PCDHA7: variants seen among roughly 807,000 people sequenced by gnomAD.
PCDHA7 encodes the protein protocadherin alpha-7.
PCDHA7 carries 37 observed loss-of-function variants against 57.2 expected under a neutral mutation model. That is an observed-to-expected ratio of 0.65 (90% CI 0.50 to 0.85). The LOEUF is 0.85. PCDHA7 is among the 40% of genes least tolerant of loss of function. The probability of loss-of-function intolerance (pLI) is 0.00; values close to 1 mark genes in which losing one functional copy is unlikely to be tolerated. For synonymous variants in PCDHA7, 553 were observed against 558.8 expected (o/e 0.99, Z 0.15); for missense variants, 1,188 against 1,241.8 (o/e 0.96, Z 0.65).
At chr5:140,855,753 G>C (rs1461376517) in intron 1 of PCDHA7, 1 of 333,040 alleles carries the variant, frequency 3.0e-6, no homozygotes, top group African/African-American at 2.1e-5. Flanking sequence ...GTGAGGCTTT[G>C]AAAGTCCATA....
intron 1 of PCDHA7, among the ~76,000 whole-genome samples, chr5:140,949,671 G>A (rs1316716969): frequency 6.6e-6 from 1 of 151,584 alleles, no homozygotes. Context: ...TTTAAAGTAT[G>A]CCCTTGTTGA....
chr5:140,967,204 G>C, intron 1 of PCDHA7: 10 of 1,613,634 alleles, frequency 6.2e-6, no homozygotes, highest in Non-Finnish European at 8.5e-6. Context: ...ACAACTCACC[G>C]CGTTTCCCGC....
chr5:140,854,990 G>A (rs2043295354), intron 1 of PCDHA7, among the ~76,000 whole-genome samples: 1 of 149,498 alleles, frequency 6.7e-6, no homozygotes, highest in African/African-American at 2.5e-5. Context: ...GATTCTTTTT[G>A]CCCGTGTAAG....
rs2150283562 is a variant in PCDHA7, at chr5:140,838,076, TA to T, written c.2355+1339del. 8.0e-3 allele frequency among the ~76,000 whole-genome samples: 249 copies of T among 31,136 alleles called. 2 individuals are homozygous for T. The highest frequency in any genetic ancestry group is 0.023 in the African/African-American group (97 of 4,194). The allele number at this position is 31,136 out of a possible 152,430, so 20.4% of individuals were successfully genotyped here. On this transcript the variant is annotated intron_variant, in intron 1 of 3. Transcript: ENST00000525929. ...TTTTCCACTTTAAGTTATATATATA[TA>T]GTGTGTGTGTGTGTGTGTGTGTGTG... is the stretch of plus-strand genomic sequence containing the variant.
intron 1 of PCDHA7, among the ~76,000 whole-genome samples, chr5:140,953,076 T>C (rs1276914822): frequency 6.6e-6 from 1 of 152,106 alleles, no homozygotes; most frequent in East Asian, 1.9e-4. Flanking sequence ...ATCTCCAACA[T>C]TGGGGATTAC....
intron 3 of PCDHA7, among the ~76,000 whole-genome samples, chr5:140,999,693 A>AT (rs202183337): frequency 0.011 from 1,632 of 151,520 alleles, 13 homozygotes; most frequent in Middle Eastern, 0.058. Flanking sequence ...AAGAAATGTG[A>AT]TTTTTTTTTA....
chr5:140,862,768 G>A (rs1409687409), intron 1 of PCDHA7: 1 of 576,568 alleles, frequency 1.7e-6, no homozygotes, highest in Admixed American at 1.9e-5. Flanking sequence ...CAAGAGGTAC[G>A]CGTTGCAGCC....
rs185481644 is a variant in PCDHA7, at chr5:140,906,049, T to C, written c.2355+69311T>C. 1.7e-3 allele frequency among the ~76,000 whole-genome samples: 263 copies of C among 152,304 alleles called. 2 individuals are homozygous for C. Among genetic ancestry groups the C allele is most frequent in the African/African-American group, 5.9e-3 (247 of 41,562 alleles). ...TTCTTCTGTCTGCTTTTATTCTGGC[T>C]GCACTGGCAGCTGATTAGATCGCAC... On this transcript the variant is annotated intron_variant, in intron 1 of 3. Transcript: ENST00000525929.
intron 1 of PCDHA7, among the ~76,000 whole-genome samples, chr5:140,959,312 C>G (rs2095480226): frequency 6.6e-6 from 1 of 151,968 alleles, no homozygotes; most frequent in South Asian, 2.1e-4. Flanking sequence ...GTGGTTGAAG[C>G]TGCAATAAGT....
Position 140,959,365 on chromosome 5 carries a change from C to A in PCDHA7, c.2356-19584C>A, listed in dbSNP as rs77362755. On this transcript the variant is annotated intron_variant, in intron 1 of 3. Transcript: ENST00000525929. ...ACTCCAGCGGGACAACTGAGTGAGA[C>A]CCTGTCTCAAAAAAAAAAGTCACAA... Among the ~76,000 whole-genome samples the A allele has an allele frequency of 1.0e-3, 158 of 151,880 alleles. 5 individuals carry two copies. In the East Asian group the frequency reaches 0.028, roughly 27 times the overall value.
Position 140,883,457 on chromosome 5 carries a change from C to T in PCDHA7, c.2355+46719C>T, listed in dbSNP as rs142331981. Reference sequence around the variant, plus strand: ...CTTGACGCCGCATGTCCCCTTCAAGCTGGTGTCCACCTACAAGAACTACTA... The same window carrying T: ...CTTGACGCCGCATGTCCCCTTCAAGTTGGTGTCCACCTACAAGAACTACTA... On this transcript the variant is annotated intron_variant, in intron 1 of 3. Coordinates refer to ENST00000525929, the MANE Select transcript of PCDHA7 (RefSeq NM_018910.3). 3.6e-4 allele frequency: 576 copies of T among 1,614,196 alleles called. 4 individuals are homozygous for T. In the African/African-American group the frequency reaches 6.4e-3, roughly 18 times the overall value.
intron 1 of PCDHA7, among the ~76,000 whole-genome samples, chr5:140,894,320 G>T (rs191376863): frequency 1.1e-3 from 163 of 152,016 alleles, no homozygotes; most frequent in Non-Finnish European, 1.7e-3. Flanking sequence ...TTAAATTATA[G>T]ATTTTAGTAT....
At chr5:140,876,140 C>G in intron 1 of PCDHA7, 1 of 1,613,944 alleles carries the variant, frequency 6.2e-7, no homozygotes, top group Non-Finnish European at 8.5e-7. Context: ...CCAGAACTAA[C>G]AGGGTCTGTC....
chr5:140,842,566 C>G (rs782225990), intron 1 of PCDHA7: 19 of 1,503,446 alleles, frequency 1.3e-5, no homozygotes, highest in Non-Finnish European at 1.4e-5. Context: ...CCCTGGACCG[C>G]GAGAGAGTGT....
intron 1 of PCDHA7, among the ~76,000 whole-genome samples, chr5:140,872,635 C>T (rs1172137990): frequency 6.6e-6 from 1 of 152,028 alleles, no homozygotes; most frequent in Non-Finnish European, 1.5e-5. Context: ...GATTTTGTTC[C>T]ATGAAAAGGC....
At chr5:140,881,382 C>A in intron 1 of PCDHA7, 1 of 984,112 alleles carries the variant, frequency 1.0e-6, no homozygotes, top group Non-Finnish European at 1.2e-6. Context: ...CAGCCGGCGG[C>A]GGTAAGTTAA....
At chr5:141,005,500 G>A (rs954556024) in intron 3 of PCDHA7, among the ~76,000 whole-genome samples, 2 of 151,574 alleles carry the variant, frequency 1.3e-5, no homozygotes, top group East Asian at 1.9e-4. Flanking sequence ...TCAGGAGATC[G>A]AGACCATCCT....
At position 140,870,884 on chromosome 5, in the gene PCDHA7, G is replaced by T. The variant is rs376620715; in HGVS notation, c.2355+34146G>T. On this transcript the variant is annotated intron_variant, in intron 1 of 3. Coordinates refer to ENST00000525929, the MANE Select transcript of PCDHA7 (RefSeq NM_018910.3). ...GCGGGCCACGTGGTGGCGAAGGTGC[G>T]CGCAGTGGATGCGGACTCAGGCTAC... is the stretch of plus-strand genomic sequence containing the variant. The T allele has an allele frequency of 9.3e-6, 15 of 1,613,948 alleles. No individual in the cohort carries two copies. In the African/African-American group the frequency reaches 1.7e-4, roughly 19 times the overall value.
intron 3 of PCDHA7, among the ~76,000 whole-genome samples, chr5:140,996,335 T>G (rs887353118): frequency 1.3e-5 from 2 of 152,202 alleles, no homozygotes; most frequent in African/African-American, 4.8e-5. Flanking sequence ...AAGAAAAGTT[T>G]GAAAACCCAA....
Sources: allele counts gnomAD v4.1 joint callset (sites outside exome capture counted in the v4.1 genomes callset), GRCh38; gene constraint gnomAD v4.1.1; transcripts MANE v1.5; gene names NCBI Gene and HGNC (gene_info 2026-07-23, HGNC 2026-07-21).